The following HPSE2 variants were observed in gnomAD, a reference collection of about 807,000 sequenced individuals.
HPSE2 encodes the protein inactive heparanase-2.
In HPSE2, 38 loss-of-function variants were observed where a neutral mutation model predicts 60.5. That is an observed-to-expected ratio of 0.63 (90% CI 0.48 to 0.82). The LOEUF (loss-of-function observed/expected upper bound fraction) is 0.82, where lower values mean the gene tolerates loss of function less well. Ranked by LOEUF, HPSE2 falls within the 40% of genes least tolerant of loss-of-function variation. The probability of loss-of-function intolerance (pLI) is 0.00; values close to 1 mark genes in which losing one functional copy is unlikely to be tolerated. For missense variants in HPSE2, 713 were observed against 740.4 expected (o/e 0.96, Z 0.43); for synonymous variants, 295 against 293.2 (o/e 1.01, Z -0.06).
At chr10:98,603,908 T>C (rs1945504517) in intron 9 of HPSE2, among the ~76,000 whole-genome samples, 1 of 152,116 alleles carries the variant, frequency 6.6e-6, no homozygotes, top group South Asian at 2.1e-4. Context: ...AGCCATCCTG[T>C]TCCACCAAAA....
At chr10:98,480,831 C>T (rs1941208056) in intron 11 of HPSE2, among the ~76,000 whole-genome samples, 2 of 151,904 alleles carry the variant, frequency 1.3e-5, no homozygotes, top group Non-Finnish European at 2.9e-5. Context: ...TCTCAACCAG[C>T]CAGATTTCTG....
chr10:98,495,302 C>T (rs776969819), intron 9 of HPSE2, among the ~76,000 whole-genome samples: 3 of 152,094 alleles, frequency 2.0e-5, no homozygotes, highest in Non-Finnish European at 4.4e-5. Flanking sequence ...TTCACTCATG[C>T]TGCTTTCAAG....
At chr10:98,466,569 C>T (rs1940541058) in intron 11 of HPSE2, among the ~76,000 whole-genome samples, 2 of 150,650 alleles carry the variant, frequency 1.3e-5, no homozygotes, top group African/African-American at 4.9e-5. Flanking sequence ...CGAGATTGCA[C>T]CACTGCACTC....
chr10:98,851,881 C>T (rs576439675), intron 3 of HPSE2, among the ~76,000 whole-genome samples: 18 of 152,232 alleles, frequency 1.2e-4, no homozygotes, highest in African/African-American at 4.1e-4. Context: ...GTTGGTAATG[C>T]TTCTTCCTTA....
chr10:98,799,421 G>T (rs184953661), intron 3 of HPSE2, among the ~76,000 whole-genome samples: 1 of 152,218 alleles, frequency 6.6e-6, no homozygotes, highest in East Asian at 1.9e-4. Flanking sequence ...CTTCATCTGC[G>T]CTATAGAACA....
intron 2 of HPSE2, among the ~76,000 whole-genome samples, chr10:99,204,252 A>T (rs1848670242): frequency 6.6e-6 from 1 of 152,154 alleles, no homozygotes; most frequent in South Asian, 2.1e-4. Context: ...CAGTAGATCC[A>T]GGCTCCAGGT....
chr10:98,616,838 A>G (rs758933238), intron 8 of HPSE2, among the ~76,000 whole-genome samples: 10 of 152,204 alleles, frequency 6.6e-5, no homozygotes, highest in Non-Finnish European at 1.5e-5. Context: ...ACTTGCCTTC[A>G]TAATTTTTAT....
intron 3 of HPSE2, among the ~76,000 whole-genome samples, chr10:98,853,631 C>A (rs541269730): frequency 6.6e-6 from 1 of 152,196 alleles, no homozygotes; most frequent in South Asian, 2.1e-4. Context: ...AAAGTTGTAT[C>A]ACTCCCATGA....
intron 9 of HPSE2, among the ~76,000 whole-genome samples, chr10:98,493,170 T>A (rs1023169004): frequency 1.3e-5 from 2 of 152,254 alleles, no homozygotes; most frequent in Non-Finnish European, 2.9e-5. Flanking sequence ...TAAGGCTGAA[T>A]AATATTCCAT....
chr10:99,291,790 T>C, the HPSE2 span, among the ~76,000 whole-genome samples: 4 of 152,288 alleles, frequency 2.6e-5, no homozygotes, highest in East Asian at 7.7e-4. Context: ...TAGGTTTGCA[T>C]ACTTTTTCTT....
intron 5 of HPSE2, among the ~76,000 whole-genome samples, chr10:98,707,066 A>G (rs1948565842): frequency 6.6e-6 from 1 of 150,540 alleles, no homozygotes; most frequent in African/African-American, 2.4e-5. Flanking sequence ...AGAGATTACT[A>G]CAGAGACATG....
intron 9 of HPSE2, among the ~76,000 whole-genome samples, chr10:98,598,789 G>A (rs995436134): frequency 6.6e-6 from 1 of 152,050 alleles, no homozygotes; most frequent in African/African-American, 2.4e-5. Flanking sequence ...CCTGGATCCT[G>A]GGGCTAGCCA....
chr10:98,636,174 C>T (rs1276302167), intron 7 of HPSE2, among the ~76,000 whole-genome samples: 1 of 151,562 alleles, frequency 6.6e-6, no homozygotes, highest in Non-Finnish European at 1.5e-5. Flanking sequence ...TAGAAGATTT[C>T]GAATGTTCCC....
intron 3 of HPSE2, among the ~76,000 whole-genome samples, chr10:99,118,519 T>G (rs1844802455): frequency 1.2e-5 from 1 of 86,724 alleles, no homozygotes; most frequent in Non-Finnish European, 2.7e-5. Flanking sequence ...CAAGACTCCT[T>G]CTCCAAAAAA....
intron 3 of HPSE2, among the ~76,000 whole-genome samples, chr10:98,802,787 G>T (rs1950946517): frequency 7.1e-6 from 1 of 140,958 alleles, no homozygotes; most frequent in South Asian, 2.4e-4. Flanking sequence ...ACATACGTGT[G>T]CATGTGTCTT....
chr10:99,059,681 AAG>A (rs1351581695), intron 3 of HPSE2, among the ~76,000 whole-genome samples: 5 of 152,010 alleles, frequency 3.3e-5, no homozygotes, highest in Non-Finnish European at 7.4e-5. Flanking sequence ...GTCATTTTCA[AAG>A]AGAAAAACAG....
chr10:98,824,280 A>G (rs2134626113), intron 3 of HPSE2, among the ~76,000 whole-genome samples: 1 of 152,248 alleles, frequency 6.6e-6, no homozygotes, highest in East Asian at 1.9e-4. Context: ...TCATGGAAGG[A>G]CCATCTTAGT....
At chr10:98,667,310 T>C (rs751508864) in intron 6 of HPSE2, among the ~76,000 whole-genome samples, 1 of 151,978 alleles carries the variant, frequency 6.6e-6, no homozygotes, top group Non-Finnish European at 1.5e-5. Flanking sequence ...AAAGGAGCCC[T>C]CACACAGATG....
upstream of HPSE2, among the ~76,000 whole-genome samples, chr10:99,237,839 C>T (rs1325111955): frequency 6.6e-6 from 1 of 152,164 alleles, no homozygotes; most frequent in Non-Finnish European, 1.5e-5. Flanking sequence ...AACAGCCTGG[C>T]GGGCAAACAC....
Sources: gnomAD v4.1 joint callset for allele counts (sites outside exome capture counted in the v4.1 genomes callset) on GRCh38, gnomAD v4.1.1 for gene constraint, MANE v1.5 for transcripts, NCBI Gene and HGNC (gene_info 2026-07-23, HGNC 2026-07-21) for gene names.